Variants in ACO1 observed in about 807,000 individuals in gnomAD.
ACO1 encodes the protein aconitase 1.
Under a neutral mutation model 105.1 loss-of-function variants are expected in ACO1, and 78 were observed. That is an observed-to-expected ratio of 0.74 (90% CI 0.62 to 0.90). The LOEUF is 0.90. Among genes scored for constraint, ACO1 ranks in the 40% least tolerant of loss-of-function variants. ACO1 has a pLI of 0.00. For synonymous variants in ACO1, 364 were observed against 397.4 expected, an observed-to-expected ratio of 0.92 and a Z score of 1.00; for missense variants, 965 against 1,111.1, an observed-to-expected ratio of 0.87 and a Z score of 1.87.
intron 13 of ACO1, 21 bp from the exon 14 acceptor site, chr9:32,430,397 T>A (rs769216964): frequency 1.9e-6 from 3 of 1,600,184 alleles, no homozygotes; most frequent in African/African-American, 2.7e-5. Flanking sequence ...AGTGACCTGA[T>A]TTTTCTCTTG....
In ACO1 at chr9:32,430,495, CTATT is replaced by C; in HGVS notation, c.1650_1653del (p.Tyr550Ter). 4 of 1,612,194 alleles carry C rather than the reference CTATT, an allele frequency of 2.5e-6. No individual in the cohort carries two copies. The highest frequency in any genetic ancestry group is 3.4e-6 in the Non-Finnish European group (4 of 1,179,358). Reference sequence around the variant, plus strand: ...GAGTTCACCCCAACACCCGGGCCAACTATTTAGCCTCTCCCCCCTTAGTAATAGC... The same window carrying C: ...GAGTTCACCCCAACACCCGGGCCAACTAGCCTCTCCCCCCTTAGTAATAGC... On this transcript the variant is annotated frameshift_variant, in exon 14 of 21. Coordinates refer to ENST00000309951, the MANE Select transcript of ACO1 (RefSeq NM_002197.3). LOFTEE classifies it high-confidence loss of function.
rs1372888673 is a variant in ACO1, at chr9:32,431,737, A to G, written c.1745A>G (p.Gln582Arg). ...KEPLGVNAKGQQVFLKDIWPT... is the reference protein window; with the variant it reads ...KEPLGVNAKGRQVFLKDIWPT... ...TCCCCAGGAGTAAATGCAAAGGGAC[A>G]GCAGGTATTTCTGAAAGATATCTGG... The change falls in exon 15 of 21, where the codon CAG becomes CGG. Residue 582 changes from glutamine to arginine, a missense_variant. Coordinates refer to ENST00000309951, the MANE Select transcript of ACO1 (RefSeq NM_002197.3). 6.2e-7 allele frequency: 1 copy of G among 1,614,174 alleles called. No individual in the cohort carries two copies. The highest frequency in any genetic ancestry group is 8.5e-7 in the Non-Finnish European group (1 of 1,179,992).
chr9:32,450,207 G>A lies in ACO1; in HGVS notation c.*96G>A. On this transcript the variant is annotated 3_prime_UTR_variant, in exon 21 of 21. Transcript: ENST00000309951. ...GCCTCCCTGGCTGCCTCTGGGAGGG[G>A]TGCTGCCTTGTAGATGGAGCAAGTG... is the stretch of plus-strand genomic sequence containing the variant. 5 of 936,650 alleles carry A rather than the reference G, an allele frequency of 5.3e-6. No homozygotes were observed. Among genetic ancestry groups the A allele is most frequent in the Non-Finnish European group, 3.5e-6 (2 of 566,144 alleles). The allele number at this position is 936,650 out of a possible 1,614,324, so 58.0% of individuals were successfully genotyped here.
At position 32,452,110 on chromosome 9, in the gene ACO1, A is replaced by G. The variant is rs1271701145; in HGVS notation, c.*1999A>G. Reference sequence around the variant, plus strand: ...AACAAACAGAACTCCATTGTACAAAAAAACCTGTGATCCTCAAGTTAAGAT... The same window carrying G: ...AACAAACAGAACTCCATTGTACAAAGAAACCTGTGATCCTCAAGTTAAGAT... On this transcript the variant is annotated 3_prime_UTR_variant, in exon 21 of 21. Coordinates refer to ENST00000309951, the MANE Select transcript of ACO1 (RefSeq NM_002197.3). The G allele has an allele frequency of 2.0e-5, 3 of 152,228 alleles. No individual in the cohort carries two copies. The highest frequency in any genetic ancestry group is 4.4e-5 in the Non-Finnish European group (3 of 68,060). 9.4% of individuals were successfully genotyped at this position (152,228 alleles called of 1,614,324 possible). A position where few individuals can be genotyped will look rare whatever the true frequency, so the allele number is the denominator to read the frequency against.
chr9:32,396,830 A>T (rs1821382997), intron 1 of ACO1, among the ~76,000 whole-genome samples: 1 of 152,218 alleles, frequency 6.6e-6, no homozygotes, highest in Non-Finnish European at 1.5e-5. Flanking sequence ...TGTAATAGAC[A>T]GTTAACATAA....
In ACO1 at chr9:32,408,664, A is replaced by G; in HGVS notation, c.404+13A>G. On this transcript the variant is annotated intron_variant, in intron 4 of 20. Coordinates refer to ENST00000309951, the MANE Select transcript of ACO1 (RefSeq NM_002197.3). ...ATTTCAACAGAAGGTGAGAGATTAA[A>G]ACGAATACCTGAGTGTTCTGCTTTG... is the stretch of plus-strand genomic sequence containing the variant. 1 of 1,613,774 alleles carries G rather than the reference A, an allele frequency of 6.2e-7. No individual in the cohort carries two copies. Among genetic ancestry groups the G allele is most frequent in the Non-Finnish European group, 8.5e-7 (1 of 1,179,858 alleles).
At chr9:32,401,278 T>A (rs546269282) in intron 1 of ACO1, among the ~76,000 whole-genome samples, 1 of 152,300 alleles carries the variant, frequency 6.6e-6, no homozygotes, top group Non-Finnish European at 1.5e-5. Flanking sequence ...ACCAAAAGAC[T>A]GTGATACACC....
In ACO1 at chr9:32,408,680, T is replaced by A. The variant is rs761289690; in HGVS notation, c.404+29T>A. 1.1e-5 allele frequency: 18 copies of A among 1,608,362 alleles called. No individual in the cohort carries two copies. The Admixed American group carries it at 3.0e-4, about 27-fold the overall frequency. ...AGAGATTAAAACGAATACCTGAGTG[T>A]TCTGCTTTGTGCAAAATCTTTGAAC... On this transcript the variant is annotated intron_variant, in intron 4 of 20. Transcript: ENST00000309951.
intron 4 of ACO1, among the ~76,000 whole-genome samples, chr9:32,416,226 C>G (rs986949287): frequency 2.0e-5 from 3 of 151,794 alleles, no homozygotes; most frequent in African/African-American, 7.3e-5. Context: ...TCTCGAGTAG[C>G]TGGGATTACA....
intron 1 of ACO1, among the ~76,000 whole-genome samples, chr9:32,389,028 A>G (rs79872952): frequency 0.061 from 9,222 of 152,332 alleles, 375 homozygotes; most frequent in Admixed American, 0.11. Context: ...ATTTTATTTA[A>G]CAGTATTAAT....
intron 17 of ACO1, 35 bp from the exon 18 acceptor site, chr9:32,436,215 C>T: frequency 3.1e-6 from 5 of 1,613,198 alleles, no homozygotes; most frequent in Non-Finnish European, 4.2e-6. Context: ...TTGCTTGCTT[C>T]ACTAAGCCAG....
At chr9:32,396,870 C>T (rs1419657226) in intron 1 of ACO1, among the ~76,000 whole-genome samples, 1 of 152,088 alleles carries the variant, frequency 6.6e-6, no homozygotes, top group African/African-American at 2.4e-5. Flanking sequence ...TGAATTTTTT[C>T]CACTTAGAAA....
intron 5 of ACO1, 45 bp from the exon 6 acceptor site, chr9:32,418,283 A>C (rs1377855841): frequency 4.3e-6 from 7 of 1,613,106 alleles, no homozygotes; most frequent in African/African-American, 4.0e-5. Flanking sequence ...GCTGAGTAGA[A>C]GTACTTCACG....
chr9:32,406,994 G>T (rs1821625464), intron 2 of ACO1, among the ~76,000 whole-genome samples: 1 of 152,192 alleles, frequency 6.6e-6, no homozygotes, highest in African/African-American at 2.4e-5. Context: ...ATGTTGGTCA[G>T]GATGGTCTCG....
At position 32,426,776 on chromosome 9, in the gene ACO1, G is replaced by A. The variant is rs1822109616; in HGVS notation, c.1349-525G>A. Reference sequence around the variant, plus strand: ...CTTCTGTGATACTTCCTAAGACAGAGCACCCAGTGTTCCAGTAGCAGTCTC... The same window carrying A: ...CTTCTGTGATACTTCCTAAGACAGAACACCCAGTGTTCCAGTAGCAGTCTC... On this transcript the variant is annotated intron_variant, in intron 11 of 20. Transcript: ENST00000309951. 2.0e-5 allele frequency among the ~76,000 whole-genome samples: 3 copies of A among 152,046 alleles called. No individual in the cohort carries two copies. The South Asian group carries it at 6.2e-4, about 32-fold the overall frequency.
intron 1 of ACO1, among the ~76,000 whole-genome samples, chr9:32,392,188 G>T (rs1821280738): frequency 6.6e-6 from 1 of 152,106 alleles, no homozygotes; most frequent in Admixed American, 6.5e-5. Context: ...TATGTTAAAT[G>T]ACTGTAAAAT....
intron 1 of ACO1, among the ~76,000 whole-genome samples, chr9:32,403,757 A>C (rs1441047071): frequency 6.6e-6 from 1 of 152,152 alleles, no homozygotes; most frequent in Non-Finnish European, 1.5e-5. Flanking sequence ...GAAAGAGGTG[A>C]ATGACCCATC....
chr9:32,434,273 T>C (rs1289704017), intron 16 of ACO1, among the ~76,000 whole-genome samples: 1 of 152,218 alleles, frequency 6.6e-6, no homozygotes, highest in Non-Finnish European at 1.5e-5. Context: ...TGAGGAGTTC[T>C]AGGGATGTGA....
chr9:32,420,877 G>T lies in ACO1; in HGVS notation c.820G>T (p.Val274Leu). ...TTAGCACCTCCGCCAGGTTGGGGTA[G>T]TGGGCAAATTTGTCGAGTTCTTCGG... is the stretch of plus-strand genomic sequence containing the variant. ...ITKHLRQVGV[V>L]GKFVEFFGPG... Residue 274 changes from valine (V) to leucine (L), a missense_variant, in exon 8 of 21, where the codon GTG becomes TTG. Val to Leu is a conservative substitution (Grantham distance 32). Transcript: ENST00000309951. 6.2e-7 allele frequency: 1 copy of T among 1,613,898 alleles called. No homozygotes were observed. Among genetic ancestry groups the T allele is most frequent in the Non-Finnish European group, 8.5e-7 (1 of 1,179,812 alleles).
Sources: gnomAD v4.1 joint callset for allele counts (sites outside exome capture counted in the v4.1 genomes callset) on GRCh38, gnomAD v4.1.1 for gene constraint, MANE v1.5 for transcripts, NCBI Gene and HGNC (gene_info 2026-07-23, HGNC 2026-07-21) for gene names.